MOB1B: variants seen among roughly 807,000 people sequenced by gnomAD.
MOB1B encodes MOB kinase activator 1B.
In MOB1B, 19 loss-of-function variants were observed where a neutral mutation model predicts 24.4. The observed-to-expected ratio is 0.78, with a 90% CI of 0.54 to 1.14. MOB1B has a LOEUF of 1.14. MOB1B is among the 50% of genes most tolerant of loss of function. MOB1B has a pLI of 0.00. For synonymous variants in MOB1B, 76 were observed against 82.1 expected, an observed-to-expected ratio of 0.93 and a Z score of 0.40; for missense variants, 243 against 259.6, an observed-to-expected ratio of 0.94 and a Z score of 0.44.
At chr4:70,927,013 AAAAG>A (rs1466752102) in intron 1 of MOB1B, among the ~76,000 whole-genome samples, 1 of 150,944 alleles carries the variant, frequency 6.6e-6, no homozygotes, top group East Asian at 2.0e-4. Flanking sequence ...GAAAAAAAAA[AAAAG>A]AAATAAGATG....
intron 1 of MOB1B, chr4:70,950,624 C>T: frequency 1.6e-6 from 1 of 631,360 alleles, no homozygotes; most frequent in South Asian, 1.9e-5. Flanking sequence ...AGATATATTG[C>T]ATGTAAAATA....
intron 1 of MOB1B, among the ~76,000 whole-genome samples, chr4:70,945,983 G>A (rs193008971): frequency 1.3e-5 from 2 of 150,950 alleles, no homozygotes; most frequent in East Asian, 3.9e-4. Flanking sequence ...TATTATAAGA[G>A]TTTAATTTCA....
Position 70,982,773 on chromosome 4 carries a change from G to A in MOB1B, c.*716G>A, listed in dbSNP as rs1419515597. On this transcript the variant is annotated 3_prime_UTR_variant, in exon 6 of 6. Coordinates refer to ENST00000309395, the MANE Select transcript of MOB1B (RefSeq NM_173468.4). ...TACTGAAACTTGAGGATGTTGAAAT[G>A]TATTACATTTTGGCTTCTTTCTACA... 1 of 152,524 alleles carries A rather than the reference G, an allele frequency of 6.6e-6. No individual in the cohort carries two copies. Among genetic ancestry groups the A allele is most frequent in the Non-Finnish European group, 1.5e-5 (1 of 68,010 alleles). The allele number at this position is 152,524 out of a possible 1,614,324, so 9.4% of individuals were successfully genotyped here.
intron 1 of MOB1B, among the ~76,000 whole-genome samples, chr4:70,921,400 G>T (rs888287288): frequency 1.3e-5 from 2 of 150,166 alleles, no homozygotes; most frequent in African/African-American, 4.9e-5. Context: ...AGTAAATCCA[G>T]CTTCATGCTT....
intron 1 of MOB1B, among the ~76,000 whole-genome samples, chr4:70,929,662 T>C (rs79830643): frequency 1.1e-4 from 17 of 150,900 alleles, no homozygotes; most frequent in African/African-American, 4.1e-4. Flanking sequence ...TTTTTTTTTT[T>C]TGAGATGGAG....
chr4:70,964,249 T>C (rs1168104164), intron 2 of MOB1B, among the ~76,000 whole-genome samples: 2 of 152,130 alleles, frequency 1.3e-5, no homozygotes, highest in African/African-American at 4.8e-5. Flanking sequence ...TTAGAAAAAT[T>C]TGAGCAACAT....
At chr4:70,940,659 AT>A (rs1737291379) in intron 1 of MOB1B, among the ~76,000 whole-genome samples, 1 of 152,032 alleles carries the variant, frequency 6.6e-6, no homozygotes, top group Non-Finnish European at 1.5e-5. Flanking sequence ...AATAATAAAA[AT>A]AATATTAGGG....
chr4:70,926,263 C>CTT (rs1388931609), intron 1 of MOB1B, among the ~76,000 whole-genome samples: 8 of 149,210 alleles, frequency 5.4e-5, no homozygotes, highest in African/African-American at 2.0e-4. Context: ...GGATTACAGC[C>CTT]ATTTTTTTTT....
At chr4:70,957,655 CT>C (rs1738121605) in intron 1 of MOB1B, among the ~76,000 whole-genome samples, 2 of 151,874 alleles carry the variant, frequency 1.3e-5, no homozygotes, top group South Asian at 4.1e-4. Flanking sequence ...ATTGCCCAGG[CT>C]GGTCTCGAAC....
intron 3 of MOB1B, among the ~76,000 whole-genome samples, chr4:70,974,653 A>T (rs984481800): frequency 6.6e-5 from 10 of 152,192 alleles, no homozygotes; most frequent in African/African-American, 2.2e-4. Context: ...CTAGATCTTC[A>T]GTTAAATGTA....
At position 70,977,521 on chromosome 4, in the gene MOB1B, A is replaced by G. The variant is rs529931033; in HGVS notation, c.410-1607A>G. Among the ~76,000 whole-genome samples, 15 of 152,258 alleles carry G rather than the reference A, an allele frequency of 9.9e-5. No homozygotes were observed. In the South Asian group the frequency reaches 3.1e-3, roughly 32 times the overall value. ...TTTTTTAAAATAAATTTTATTGTAT[A>G]TATTTAAGGTATACAATATGATGTT... On this transcript the variant is annotated intron_variant, in intron 4 of 5. Coordinates refer to ENST00000309395, the MANE Select transcript of MOB1B (RefSeq NM_173468.4).
At chr4:70,937,098 A>C (rs1364024548) in intron 1 of MOB1B, among the ~76,000 whole-genome samples, 1 of 151,888 alleles carries the variant, frequency 6.6e-6, no homozygotes, top group East Asian at 1.9e-4. Flanking sequence ...TTGTATTTTT[A>C]GTAGAGACGG....
chr4:70,976,774 A>ATC (rs71604569), intron 4 of MOB1B: 70 of 188,140 alleles, frequency 3.7e-4, no homozygotes, highest in South Asian at 2.2e-3. Flanking sequence ...ATATATATAT[A>ATC]TCTCTCTCTC....
At chr4:70,928,706 T>C (rs1453375265) in intron 1 of MOB1B, among the ~76,000 whole-genome samples, 26 of 152,196 alleles carry the variant, frequency 1.7e-4, no homozygotes, top group Admixed American at 1.7e-3. Context: ...AGGTGGCTAC[T>C]GTGCACAGAA....
At position 70,987,974 on chromosome 4, in the gene MOB1B, T is replaced by G. The variant is rs1210455462; in HGVS notation, c.*5917T>G. Reference sequence around the variant, plus strand: ...TTGTTACTGATCAAAGTTTAATTGCTTCATTTTTGTTTAAAAAGGGATACT... The same window carrying G: ...TTGTTACTGATCAAAGTTTAATTGCGTCATTTTTGTTTAAAAAGGGATACT... On this transcript the variant is annotated 3_prime_UTR_variant, in exon 6 of 6. Transcript: ENST00000309395. 1 of 152,634 alleles carries G rather than the reference T, an allele frequency of 6.6e-6. No individual in the cohort carries two copies. Among genetic ancestry groups the G allele is most frequent in the Non-Finnish European group, 1.5e-5 (1 of 68,018 alleles). 9.5% of individuals were successfully genotyped at this position (152,634 alleles called of 1,614,324 possible).
intron 3 of MOB1B, among the ~76,000 whole-genome samples, chr4:70,971,108 C>T (rs1041926260): frequency 6.6e-6 from 1 of 152,200 alleles, no homozygotes; most frequent in Non-Finnish European, 1.5e-5. Context: ...GTTGCAGGTG[C>T]ATCTTTTGTT....
intron 4 of MOB1B, 142 bp downstream of exon 4, chr4:70,975,428 G>C: frequency 3.0e-6 from 4 of 1,351,988 alleles, no homozygotes; most frequent in Non-Finnish European, 3.8e-6. Flanking sequence ...CAGTTCCCAA[G>C]AAGAGGCACA....
In MOB1B at chr4:70,965,296, C is replaced by CAAA. The variant is rs1175536577; in HGVS notation, c.182-4613_182-4611dup. On this transcript the variant is annotated intron_variant, in intron 2 of 5. Transcript: ENST00000309395. ...TGGATGACAGAGCAAGACTTCATCT[C>CAAA]AAAAAAAAAAAAAAAAAAAAAAAAG... Among the ~76,000 whole-genome samples, 102 of 36,002 alleles carry CAAA rather than the reference C, an allele frequency of 2.8e-3. 2 individuals carry two copies. The highest frequency in any genetic ancestry group is 0.015 in the Middle Eastern group (1 of 66). 23.6% of individuals were successfully genotyped at this position (36,002 alleles called of 152,430 possible).
intron 1 of MOB1B, among the ~76,000 whole-genome samples, chr4:70,933,717 A>G (rs1736974440): frequency 6.6e-6 from 1 of 151,744 alleles, no homozygotes; most frequent in South Asian, 2.1e-4. Flanking sequence ...ACGCCTGGCT[A>G]ATTTTTGTAT....
Sources: gnomAD v4.1 joint callset for allele counts (sites outside exome capture counted in the v4.1 genomes callset) on GRCh38, gnomAD v4.1.1 for gene constraint, MANE v1.5 for transcripts, NCBI Gene and HGNC (gene_info 2026-07-23, HGNC 2026-07-21) for gene names.